The following GLRA2 variants were observed in gnomAD, a reference collection of about 807,000 sequenced individuals.
The protein encoded by GLRA2 is glycine receptor alpha 2.
A neutral mutation model predicts 31.6 loss-of-function variants in GLRA2; 11 were observed. The ratio of observed to expected loss-of-function variants is 0.35; its 90% CI spans 0.22 to 0.58. The LOEUF (loss-of-function observed/expected upper bound fraction) is 0.58. GLRA2 is among the 20% of genes least tolerant of loss of function. The pLI is 0.84. For synonymous variants in GLRA2, 132 were observed against 134.0 expected (o/e 0.99, Z 0.10); for missense variants, 212 against 351.8 (o/e 0.60, Z 3.18).
intron 4 of GLRA2, among the ~76,000 whole-genome samples, chrX:14,604,033 A>G (rs2147091339): frequency 9.0e-6 from 1 of 111,136 alleles, no homozygotes; most frequent in African/African-American, 3.3e-5. Context: ...TTCTAGTACA[A>G]AGCTGAGAAC....
chrX:14,628,534 T>C (rs2090612118), intron 7 of GLRA2, among the ~76,000 whole-genome samples: 1 of 111,847 alleles, frequency 8.9e-6, no homozygotes, highest in Non-Finnish European at 1.9e-5. Context: ...ATAATGCTTA[T>C]TAAGAAGTAA....
intron 7 of GLRA2, among the ~76,000 whole-genome samples, chrX:14,641,911 G>C: frequency 8.9e-6 from 1 of 112,252 alleles, no homozygotes; most frequent in Non-Finnish European, 1.9e-5. Flanking sequence ...GTTGGTATAT[G>C]AGTTAGGAGG....
chrX:14,637,702 C>T (rs2090725203), intron 7 of GLRA2, among the ~76,000 whole-genome samples: 1 of 111,688 alleles, frequency 9.0e-6, no homozygotes, highest in South Asian at 3.7e-4. Flanking sequence ...CCCCAAGCCC[C>T]ACTGGGAGTA....
At chrX:14,500,479 T>C in the GLRA2 span, among the ~76,000 whole-genome samples, 1 of 112,543 alleles carries the variant, frequency 8.9e-6, no homozygotes. Flanking sequence ...ATGGTAGTCC[T>C]ACCTCACCCC....
chrX:14,558,029 C>CA (rs1371048004), intron 2 of GLRA2, among the ~76,000 whole-genome samples: 1 of 111,287 alleles, frequency 9.0e-6, no homozygotes, highest in Non-Finnish European at 1.9e-5. Flanking sequence ...AAAAACAAAA[C>CA]AAAACAAAGT....
At chrX:14,567,731 C>T (rs555739696) in intron 2 of GLRA2, among the ~76,000 whole-genome samples, 33 of 111,813 alleles carry the variant, frequency 3.0e-4, no homozygotes, top group African/African-American at 6.5e-4. Flanking sequence ...TAGAAAACCC[C>T]AAAGAATCCA....
At chrX:14,587,237 A>G (rs926980305) in intron 4 of GLRA2, among the ~76,000 whole-genome samples, 3 of 112,285 alleles carry the variant, frequency 2.7e-5, no homozygotes, top group African/African-American at 9.7e-5. Context: ...GCTATTGTGG[A>G]TAGTGCTGTG....
intron 7 of GLRA2, among the ~76,000 whole-genome samples, chrX:14,673,206 G>C (rs2091112011): frequency 8.9e-6 from 1 of 111,893 alleles, no homozygotes; most frequent in African/African-American, 3.3e-5. Context: ...TGCATTGGTG[G>C]AGAAGTTCAG....
At chrX:14,466,821 T>C in the GLRA2 span, among the ~76,000 whole-genome samples, 2 of 112,346 alleles carry the variant, frequency 1.8e-5, no homozygotes, top group Admixed American at 1.9e-4. Context: ...TTAGTCCCAG[T>C]AAGATAGCTG....
At chrX:14,490,233 A>G in the GLRA2 span, among the ~76,000 whole-genome samples, 22 of 112,090 alleles carry the variant, frequency 2.0e-4, no homozygotes, top group Non-Finnish European at 5.6e-5. Flanking sequence ...ACACTGTGTC[A>G]AATATCTTTG....
At chrX:14,494,462 C>T in the GLRA2 span, among the ~76,000 whole-genome samples, 4 of 111,740 alleles carry the variant, frequency 3.6e-5, no homozygotes, top group African/African-American at 1.3e-4. Flanking sequence ...CCTTGGATGG[C>T]ATTAGGTTTG....
chrX:14,707,189 AAG>A (rs1400732121), intron 8 of GLRA2, among the ~76,000 whole-genome samples: 1 of 111,588 alleles, frequency 9.0e-6, no homozygotes, highest in Non-Finnish European at 1.9e-5. Flanking sequence ...ACATGCAAAA[AAG>A]AATATGAGAG....
At chrX:14,454,460 A>T in the GLRA2 span, among the ~76,000 whole-genome samples, 1 of 111,216 alleles carries the variant, frequency 9.0e-6, no homozygotes, top group Non-Finnish European at 1.9e-5. Context: ...CATAGTTTGA[A>T]AATAATAATG....
the GLRA2 span, among the ~76,000 whole-genome samples, chrX:14,484,946 C>T: frequency 8.9e-6 from 1 of 112,447 alleles, no homozygotes; most frequent in South Asian, 3.7e-4. Flanking sequence ...ATAACACAGA[C>T]ATCTCAAATT....
the GLRA2 span, among the ~76,000 whole-genome samples, chrX:14,514,452 CA>C: frequency 9.1e-6 from 1 of 110,298 alleles, no homozygotes; most frequent in Non-Finnish European, 1.9e-5. Flanking sequence ...ATTAAAGGCA[CA>C]AAAAAGAAAA....
the GLRA2 span, among the ~76,000 whole-genome samples, chrX:14,461,894 A>G: frequency 1.8e-5 from 2 of 111,940 alleles, no homozygotes; most frequent in Non-Finnish European, 3.8e-5. Context: ...TGTCATTATG[A>G]TGATAGCTGG....
At chrX:14,652,111 C>T (rs2090895788) in intron 7 of GLRA2, among the ~76,000 whole-genome samples, 1 of 111,827 alleles carries the variant, frequency 8.9e-6, no homozygotes, top group Non-Finnish European at 1.9e-5. Context: ...CTTTCAGCTT[C>T]CCGAACTGTA....
At chrX:14,524,252 C>T in the GLRA2 span, among the ~76,000 whole-genome samples, 2 of 112,090 alleles carry the variant, frequency 1.8e-5, no homozygotes, top group South Asian at 3.7e-4. Context: ...AAATGGCAAT[C>T]GTTAATATTG....
At chrX:14,558,910 C>T (rs2089687762) in intron 2 of GLRA2, among the ~76,000 whole-genome samples, 1 of 109,793 alleles carries the variant, frequency 9.1e-6, no homozygotes, top group Non-Finnish European at 1.9e-5. Context: ...CTGCAAACTC[C>T]ACCTCCCAAG....
Sources: allele counts gnomAD v4.1 joint callset (sites outside exome capture counted in the v4.1 genomes callset), GRCh38; gene constraint gnomAD v4.1.1; transcripts MANE v1.5; gene names NCBI Gene and HGNC (gene_info 2026-07-23, HGNC 2026-07-21).